The following HSP90B1 variants were observed in gnomAD, a reference collection of about 807,000 sequenced individuals.
HSP90B1 encodes heat shock protein 90 beta family member 1.
In HSP90B1, 27 loss-of-function variants were observed where a neutral mutation model predicts 100.4. The ratio of observed to expected loss-of-function variants is 0.27; its 90% confidence interval spans 0.20 to 0.37. The LOEUF is 0.37. Among genes scored for constraint, HSP90B1 ranks in the 10% least tolerant of loss-of-function variants. HSP90B1 has a pLI of 1.00. For synonymous variants in HSP90B1, 304 were observed against 330.8 expected (o/e 0.92, Z 0.88); for missense variants, 678 against 960.5 (o/e 0.71, Z 3.89).
Position 103,941,716 on chromosome 12 carries a change from T to C in HSP90B1, c.1308+10T>C, listed in dbSNP as rs1296557685. ...TTTTGTCAAGGGTGTGGTAAGTATC[T>C]GAAGTTTGGGAGAAGGGGTGATTGT... On this transcript the variant is annotated intron_variant, in intron 10 of 17. Transcript: ENST00000299767. 6.2e-7 allele frequency: 1 copy of C among 1,613,134 alleles called. No individual in the cohort carries two copies. Among genetic ancestry groups the C allele is most frequent in the Non-Finnish European group, 8.5e-7 (1 of 1,179,206 alleles).
In HSP90B1 at chr12:103,930,784, T is replaced by G. The variant is rs1240858481; in HGVS notation, c.49+220T>G. 6.6e-6 allele frequency among the ~76,000 whole-genome samples: 1 copy of G among 152,108 alleles called. No individual in the cohort carries two copies. On this transcript the variant is annotated intron_variant, in intron 1 of 17. Transcript: ENST00000299767. This position sits in a 1 kb window ranked among gnomAD's most constrained non-coding sequence, Gnocchi z 4.4. Reference sequence around the variant, plus strand: ...TCATCTAACTGCCCTACAGATCTAATAGTATCTCGCCCGGAGGTCTCAGCG... The same window carrying G: ...TCATCTAACTGCCCTACAGATCTAAGAGTATCTCGCCCGGAGGTCTCAGCG...
At chr12:103,939,684 C>T in intron 8 of HSP90B1, 59 bp downstream of exon 8, 1 of 783,614 alleles carries the variant, frequency 1.3e-6, no homozygotes, top group Non-Finnish European at 2.1e-6. Flanking sequence ...ATATCACCCT[C>T]TTAGTTTAAT....
At chr12:103,937,575 T>A in intron 5 of HSP90B1, 120 bp from the exon 6 acceptor site, 2 of 646,144 alleles carry the variant, frequency 3.1e-6, no homozygotes, top group Non-Finnish European at 5.6e-6. Flanking sequence ...AGAGTTAACA[T>A]GAATAATTAG....
At chr12:103,931,977 T>C (rs1205931057) in intron 2 of HSP90B1, 4 of 453,282 alleles carry the variant, frequency 8.8e-6, no homozygotes, top group East Asian at 4.4e-5. Flanking sequence ...TTGGGACTTA[T>C]TGACAGTTTT....
chr12:103,945,261 A>G (rs1394547030), intron 14 of HSP90B1, among the ~76,000 whole-genome samples: 1 of 152,108 alleles, frequency 6.6e-6, no homozygotes, highest in Non-Finnish European at 1.5e-5. Flanking sequence ...CTGTAATGGC[A>G]TTGCACTCTA....
intron 14 of HSP90B1, among the ~76,000 whole-genome samples, chr12:103,945,963 A>T (rs1870215072): frequency 6.6e-6 from 1 of 152,114 alleles, no homozygotes; most frequent in African/African-American, 2.4e-5. Flanking sequence ...CTTTTTGTCC[A>T]TGGGGTGTTG....
chr12:103,934,298 C>A lies in HSP90B1; in HGVS notation c.743+11C>A. The A allele has an allele frequency of 6.3e-7, 1 of 1,588,348 alleles. No homozygotes were observed. Among genetic ancestry groups the A allele is most frequent in the Non-Finnish European group, 8.6e-7 (1 of 1,157,838 alleles). ...GGGAACGACAATTACGTGAGTATGA[C>A]CAATTCCTTATAAGAATTAATAGTC... On this transcript the variant is annotated intron_variant, in intron 5 of 17. Coordinates refer to ENST00000299767, the MANE Select transcript of HSP90B1 (RefSeq NM_003299.3).
chr12:103,947,350 G>A lies in HSP90B1; in HGVS notation c.2302G>A (p.Glu768Lys), dbSNP rs745833035. Residue 768 changes from glutamate (E) to lysine (K), a missense_variant, in exon 17 of 18, where the codon GAA (glutamate) becomes AAA (lysine). Coordinates refer to ENST00000299767, the MANE Select transcript of HSP90B1 (RefSeq NM_003299.3). ...EPEEEPEETAEDTTEDTEQDE... is the reference protein window; with the variant it reads ...EPEEEPEETAKDTTEDTEQDE... Reference sequence around the variant, plus strand: ...CGAAGAAGAACCTGAAGAGACAGCAGAAGACACAACAGAAGACACAGAGCA... The same window carrying A: ...CGAAGAAGAACCTGAAGAGACAGCAAAAGACACAACAGAAGACACAGAGCA... 10 of 1,606,064 alleles carry A rather than the reference G, an allele frequency of 6.2e-6. No homozygotes were observed. The highest frequency in any genetic ancestry group is 8.5e-6 in the Non-Finnish European group (10 of 1,174,048).
rs2136214824 is a variant in HSP90B1, at chr12:103,938,327, C to T, written c.856-13C>T. On this transcript the variant is annotated splice_polypyrimidine_tract_variant and intron_variant, in intron 6 of 17. Coordinates refer to ENST00000299767, the MANE Select transcript of HSP90B1 (RefSeq NM_003299.3). ...AACAAATGAGTTTAACCATAATTCTCTTATTTCAACAGACTGAAACTGTTG... is the reference window on the plus strand; with the variant it reads ...AACAAATGAGTTTAACCATAATTCTTTTATTTCAACAGACTGAAACTGTTG... The T allele has an allele frequency of 6.5e-7, 1 of 1,530,496 alleles. No homozygotes were observed. Among genetic ancestry groups the T allele is most frequent in the East Asian group, 2.4e-5 (1 of 41,032 alleles). 94.8% of individuals were successfully genotyped at this position (1,530,496 alleles called of 1,614,324 possible). A position where few individuals can be genotyped will look rare whatever the true frequency, so the allele number is the denominator to read the frequency against.
rs374724193 is a variant in HSP90B1, at chr12:103,946,692, T to C, written c.2102T>C (p.Ile701Thr). The C allele has an allele frequency of 9.3e-6, 15 of 1,613,838 alleles. No homozygotes were observed. Among genetic ancestry groups the C allele is most frequent in the Non-Finnish European group, 1.2e-5 (14 of 1,179,816 alleles). The change falls in exon 15 of 18, where the codon ATT becomes ACT. Residue 701 changes from isoleucine to threonine, a missense_variant. Transcript: ENST00000299767. ...HPLIRDMLRR[I>T]KEDEDDKTVL... ...CTGATCAGAGACATGCTTCGACGAA[T>C]TAAGGTAGTATTAAAGCAGTCCTCT...
At chr12:103,933,910 A>C in intron 4 of HSP90B1, 46 bp from the exon 5 acceptor site, 2 of 1,467,476 alleles carry the variant, frequency 1.4e-6, no homozygotes, top group South Asian at 2.4e-5. Context: ...TGTTTGGCAT[A>C]ATGTAAATAT....
intron 6 of HSP90B1, 117 bp from the exon 7 acceptor site, chr12:103,938,223 T>C (rs1180870438): frequency 1.2e-6 from 1 of 823,028 alleles, no homozygotes; most frequent in African/African-American, 1.8e-5. Flanking sequence ...TTAAGGATAC[T>C]CTCAGGGTTT....
At chr12:103,931,482 A>G in intron 1 of HSP90B1, 39 bp from the exon 2 acceptor site, 2 of 1,472,760 alleles carry the variant, frequency 1.4e-6, no homozygotes, top group Non-Finnish European at 1.9e-6. Context: ...TCCTTGGAGA[A>G]GTGTGATGTT....
At chr12:103,935,127 G>A (rs748853586) in intron 5 of HSP90B1, among the ~76,000 whole-genome samples, 10 of 152,218 alleles carry the variant, frequency 6.6e-5, no homozygotes, top group Non-Finnish European at 1.5e-4. Flanking sequence ...AACCAGGGCT[G>A]GGGCTGGCTT....
Position 103,932,401 on chromosome 12 carries a change from T to C in HSP90B1, c.277T>C (p.Leu93=). The change falls in exon 3 of 18, where the codon TTG becomes CTG. Residue 93 remains leucine, a synonymous_variant. Transcript: ENST00000299767. ...AATGATGAAACTTATCATCAATTCA[T>C]TGTATAAAAATAAAGAGGTAAGCAA... is the stretch of plus-strand genomic sequence containing the variant. ...NRMMKLIINS[L]YKNKEIFLRE... 5.0e-6 allele frequency: 8 copies of C among 1,611,958 alleles called. No homozygotes were observed. The highest frequency in any genetic ancestry group is 2.2e-5 in the East Asian group (1 of 44,784).
Position 103,943,674 on chromosome 12 carries a change from AGACAATTGCTCAAT to A in HSP90B1, c.1891-60_1891-47del. 6.8e-7 allele frequency: 1 copy of A among 1,479,318 alleles called. No homozygotes were observed. Among genetic ancestry groups the A allele is most frequent in the Non-Finnish European group, 9.2e-7 (1 of 1,081,916 alleles). The allele number at this position is 1,479,318 out of a possible 1,614,324, so 91.6% of individuals were successfully genotyped here. A position where few individuals can be genotyped will look rare whatever the true frequency, so the allele number is the denominator to read the frequency against. On this transcript the variant is annotated intron_variant, in intron 13 of 17. Transcript: ENST00000299767. This position sits in a 1 kb window ranked among gnomAD's most constrained non-coding sequence, Gnocchi z 5.3. ...AGTGATAAAGTCTTAGACAGTTGAA[AGACAATTGCTCAAT>A]GACCTTACCTGTTGATATTAATTTA... is the stretch of plus-strand genomic sequence containing the variant.
At chr12:103,939,668 G>C in intron 8 of HSP90B1, 43 bp downstream of exon 8, 1 of 876,540 alleles carries the variant, frequency 1.1e-6, no homozygotes, top group Non-Finnish European at 1.8e-6. Flanking sequence ...TTAATGAATA[G>C]ACAAAATATC....
At chr12:103,939,750 G>A (rs1199673833) in intron 8 of HSP90B1, 125 bp downstream of exon 8, 1 of 507,118 alleles carries the variant, frequency 2.0e-6, no homozygotes, top group Non-Finnish European at 3.5e-6. Context: ...TTTTCCCAGT[G>A]AGAAAATTCA....
Position 103,947,914 on chromosome 12 carries a change from A to T in HSP90B1, c.*252A>T, listed in dbSNP as rs1808814838. On this transcript the variant is annotated 3_prime_UTR_variant, in exon 18 of 18. Transcript: ENST00000299767. ...TCTTGTCATGTGTATAAAAATAAAA[A>T]AGATCCCAAATACTCAGTGTCTTGA... 4.0e-6 allele frequency: 2 copies of T among 495,368 alleles called. No homozygotes were observed. The highest frequency in any genetic ancestry group is 7.2e-6 in the Non-Finnish European group (2 of 279,342). 30.7% of individuals were successfully genotyped at this position (495,368 alleles called of 1,614,324 possible).
Sources: allele counts gnomAD v4.1 joint callset (sites outside exome capture counted in the v4.1 genomes callset), GRCh38; gene constraint gnomAD v4.1.1; non-coding constraint Gnocchi (gnomAD v3.1); transcripts MANE v1.5; gene names NCBI Gene and HGNC (gene_info 2026-07-23, HGNC 2026-07-21).